FAXC: variants seen among roughly 807,000 people sequenced by gnomAD.
The protein encoded by FAXC is failed axon connections homolog.
FAXC carries 10 observed loss-of-function variants against 41.9 expected under a neutral mutation model. The ratio of observed to expected loss-of-function variants is 0.24; its 90% confidence interval spans 0.15 to 0.41. The LOEUF (loss-of-function observed/expected upper bound fraction) is 0.41. Among genes scored for constraint, FAXC ranks in the 10% least tolerant of loss-of-function variants. The pLI, the probability that FAXC is intolerant of heterozygous loss-of-function variation, is 1.00. For synonymous variants in FAXC, 183 were observed against 183.8 expected (o/e 1.00, Z 0.03); for missense variants, 399 against 510.9 (o/e 0.78, Z 2.11).
chr6:99,338,636 G>A (rs746156575), intron 2 of FAXC, among the ~76,000 whole-genome samples: 17 of 152,238 alleles, frequency 1.1e-4, no homozygotes, highest in Non-Finnish European at 2.5e-4. Context: ...CTGTTCAAGA[G>A]TGATGATGGA....
intron 4 of FAXC, among the ~76,000 whole-genome samples, chr6:99,316,078 AC>A (rs1772338025): frequency 6.6e-6 from 1 of 152,100 alleles, no homozygotes; most frequent in South Asian, 2.1e-4. Flanking sequence ...GCCACCTAGC[AC>A]CCTGTACCCC....
intron 4 of FAXC, among the ~76,000 whole-genome samples, chr6:99,292,332 T>C (rs1284852367): frequency 6.6e-6 from 1 of 152,190 alleles, no homozygotes; most frequent in African/African-American, 2.4e-5. Context: ...CTGGCAAAGT[T>C]CTCACCTCTG....
chr6:99,324,907 T>TGTG (rs1170015469), intron 3 of FAXC, among the ~76,000 whole-genome samples: 6 of 152,208 alleles, frequency 3.9e-5, no homozygotes, highest in Non-Finnish European at 5.9e-5. Flanking sequence ...AGAAGCCAGG[T>TGTG]GTGGTGGTAC....
intron 4 of FAXC, among the ~76,000 whole-genome samples, chr6:99,300,557 GA>G (rs1469549052): frequency 6.6e-6 from 1 of 152,168 alleles, no homozygotes; most frequent in Non-Finnish European, 1.5e-5. Flanking sequence ...GCTTCTGAGT[GA>G]CTGCACAGTC....
At chr6:99,299,503 G>A (rs1033951061) in intron 4 of FAXC, among the ~76,000 whole-genome samples, 9 of 152,162 alleles carry the variant, frequency 5.9e-5, no homozygotes, top group Non-Finnish European at 7.4e-5. Flanking sequence ...TGATTTATAA[G>A]CAGGCAATTA....
chr6:99,343,818 T>C (rs1562188565), intron 1 of FAXC, among the ~76,000 whole-genome samples: 1 of 152,180 alleles, frequency 6.6e-6, no homozygotes, highest in Non-Finnish European at 1.5e-5. Context: ...GCCTTCTGGA[T>C]GCTCTCTCTC....
intron 5 of FAXC, among the ~76,000 whole-genome samples, chr6:99,282,117 T>A (rs1770864014): frequency 6.6e-6 from 1 of 152,220 alleles, no homozygotes. Context: ...TTATCCAAAA[T>A]GGCAGATAAA....
In FAXC at chr6:99,279,750, G is replaced by C. The variant is rs531213526; in HGVS notation, c.*1414C>G. 6.6e-6 allele frequency: 1 copy of C among 152,136 alleles called. No individual in the cohort carries two copies. Among genetic ancestry groups the C allele is most frequent in the Non-Finnish European group, 1.5e-5 (1 of 68,036 alleles). 9.4% of individuals were successfully genotyped at this position (152,136 alleles called of 1,614,324 possible). A position where few individuals can be genotyped will look rare whatever the true frequency, so the allele number is the denominator to read the frequency against. On this transcript the variant is annotated 3_prime_UTR_variant, in exon 6 of 6. Coordinates refer to ENST00000389677, the MANE Select transcript of FAXC (RefSeq NM_032511.4). ...AATATGGGTAAGCCAACAGTTCATC[G>C]AATACTATAGGGAAAGAGAGAGAGA...
Position 99,331,635 on chromosome 6 carries a change from A to C in FAXC, c.599+1716T>G, listed in dbSNP as rs142286587. Among the ~76,000 whole-genome samples, 365 of 152,352 alleles carry C rather than the reference A, an allele frequency of 2.4e-3. 2 individuals are homozygous for C. Among genetic ancestry groups the C allele is most frequent in the African/African-American group, 8.5e-3 (353 of 41,578 alleles). ...AGAGTTGTAGCCAAAGTGACAACTAAAATGTATGGCTTTCAGCTTTTCAGA... is the reference window on the plus strand; with the variant it reads ...AGAGTTGTAGCCAAAGTGACAACTACAATGTATGGCTTTCAGCTTTTCAGA... On this transcript the variant is annotated intron_variant, in intron 3 of 5. Coordinates refer to ENST00000389677, the MANE Select transcript of FAXC (RefSeq NM_032511.4).
chr6:99,327,311 T>C (rs1420042805), intron 3 of FAXC, among the ~76,000 whole-genome samples: 1 of 152,200 alleles, frequency 6.6e-6, no homozygotes, highest in Admixed American at 6.5e-5. Flanking sequence ...ACATTGTATA[T>C]GTTTCCATGT....
intron 3 of FAXC, among the ~76,000 whole-genome samples, chr6:99,326,106 A>T (rs1399525262): frequency 6.6e-6 from 1 of 152,250 alleles, no homozygotes; most frequent in Non-Finnish European, 1.5e-5. Flanking sequence ...CAATCAGGAC[A>T]GGCCTGAGGA....
At chr6:99,285,714 A>T (rs1212113823) in intron 5 of FAXC, among the ~76,000 whole-genome samples, 11 of 152,234 alleles carry the variant, frequency 7.2e-5, no homozygotes, top group Admixed American at 7.2e-4. Context: ...TTCTCAGACA[A>T]CTTGAGAGGA....
At position 99,280,268 on chromosome 6, in the gene FAXC, A is replaced by G. The variant is rs754752235; in HGVS notation, c.*896T>C. The G allele has an allele frequency of 6.6e-6, 1 of 152,252 alleles. No individual in the cohort carries two copies. Among genetic ancestry groups the G allele is most frequent in the Admixed American group, 6.5e-5 (1 of 15,292 alleles). 9.4% of individuals were successfully genotyped at this position (152,252 alleles called of 1,614,324 possible). Reference sequence around the variant, plus strand: ...GATTCAGCCAAGATTACAGAAAGGAATCATGACAAAGTCCTAAGTGTACCT... The same window carrying G: ...GATTCAGCCAAGATTACAGAAAGGAGTCATGACAAAGTCCTAAGTGTACCT... On this transcript the variant is annotated 3_prime_UTR_variant, in exon 6 of 6. Coordinates refer to ENST00000389677, the MANE Select transcript of FAXC (RefSeq NM_032511.4).
At chr6:99,299,304 A>G (rs1771614346) in intron 4 of FAXC, among the ~76,000 whole-genome samples, 1 of 152,162 alleles carries the variant, frequency 6.6e-6, no homozygotes, top group Non-Finnish European at 1.5e-5. Context: ...CACTTCCACA[A>G]TTTAGCTAAA....
chr6:99,286,883 A>T (rs1378958847), intron 5 of FAXC, among the ~76,000 whole-genome samples: 1 of 152,202 alleles, frequency 6.6e-6, no homozygotes, highest in Non-Finnish European at 1.5e-5. Flanking sequence ...CAAGGAGCAA[A>T]AATTGGAAGT....
chr6:99,283,113 G>C (rs1770898130), intron 5 of FAXC, among the ~76,000 whole-genome samples: 1 of 152,030 alleles, frequency 6.6e-6, no homozygotes, highest in Admixed American at 6.6e-5. Context: ...CCATATTAAT[G>C]GTTCTGTTGA....
At chr6:99,300,759 T>A (rs1771673485) in intron 4 of FAXC, among the ~76,000 whole-genome samples, 1 of 152,270 alleles carries the variant, frequency 6.6e-6, no homozygotes, top group Admixed American at 6.5e-5. Context: ...AGGAACCAGC[T>A]GTTCTATCTC....
chr6:99,272,086 T>C lies in FAXC; in HGVS notation c.*9078A>G, dbSNP rs1292515263. 1 of 152,108 alleles carries C rather than the reference T, an allele frequency of 6.6e-6. No homozygotes were observed. Among genetic ancestry groups the C allele is most frequent in the African/African-American group, 2.4e-5 (1 of 41,428 alleles). The allele number at this position is 152,108 out of a possible 1,614,324, so 9.4% of individuals were successfully genotyped here. ...TTATCATCCCAAACGTCTTTCTTCA[T>C]CTGTAATTTGGGAACAATAATTACT... On this transcript the variant is annotated 3_prime_UTR_variant, in exon 6 of 6. Transcript: ENST00000389677.
chr6:99,285,085 T>C (rs553564156), intron 5 of FAXC, among the ~76,000 whole-genome samples: 6 of 151,964 alleles, frequency 3.9e-5, no homozygotes, highest in Non-Finnish European at 8.8e-5. Context: ...TCAGGCATTG[T>C]ACTACATGGC....
Sources: gnomAD v4.1 joint callset for allele counts (sites outside exome capture counted in the v4.1 genomes callset) on GRCh38, gnomAD v4.1.1 for gene constraint, MANE v1.5 for transcripts, NCBI Gene and HGNC (gene_info 2026-07-23, HGNC 2026-07-21) for gene names.